Variants in MKLN1 observed in about 807,000 individuals in gnomAD.
MKLN1 encodes muskelin 1, also known as muskelin.
MKLN1 carries 18 observed loss-of-function variants against 99.0 expected under a neutral mutation model. That is an observed-to-expected ratio of 0.18 (90% confidence interval 0.13 to 0.27). The LOEUF is 0.27. Ranked by LOEUF, MKLN1 falls within the 10% of genes least tolerant of loss-of-function variation. The probability of loss-of-function intolerance (pLI) is 1.00; values close to 1 mark genes in which losing one functional copy is unlikely to be tolerated. For missense variants in MKLN1, 621 were observed against 875.9 expected (o/e 0.71, Z 3.67); for synonymous variants, 288 against 293.2 (o/e 0.98, Z 0.18).
chr7:131,245,856 G>A (rs896023815), intron 3 of MKLN1, among the ~76,000 whole-genome samples: 1 of 152,206 alleles, frequency 6.6e-6, no homozygotes, highest in East Asian at 1.9e-4. Context: ...CATGACTATA[G>A]TTTACTCAGC....
In MKLN1 at chr7:131,395,819, C is replaced by T. The variant is rs112967785; in HGVS notation, c.401-1448C>T. On this transcript the variant is annotated intron_variant, in intron 4 of 17. Coordinates refer to ENST00000352689, the MANE Select transcript of MKLN1 (RefSeq NM_013255.5). ...TTATAATTAATTGGAGAGAGCTACA[C>T]ATTTACAATATTGAGTTTTCCTATA... Among the ~76,000 whole-genome samples the T allele has an allele frequency of 3.5e-3, 530 of 151,850 alleles. 4 individuals carry two copies. Among genetic ancestry groups the T allele is most frequent in the African/African-American group, 0.012 (503 of 41,284 alleles).
intron 11 of MKLN1, 32 bp from the exon 12 acceptor site, chr7:131,445,742 A>G: frequency 1.3e-6 from 2 of 1,556,656 alleles, no homozygotes; most frequent in South Asian, 1.2e-5. Flanking sequence ...GTGATAAGTT[A>G]CTCCTTTCTT....
chr7:131,417,901 TTAATTA>T (rs1795069394), intron 8 of MKLN1, among the ~76,000 whole-genome samples: 1 of 152,212 alleles, frequency 6.6e-6, no homozygotes, highest in African/African-American at 2.4e-5. Context: ...AAATTTCTAC[TTAATTA>T]TAAGTTGGAG....
chr7:131,163,058 C>T (rs1056603618), intron 2 of MKLN1, among the ~76,000 whole-genome samples: 5 of 152,136 alleles, frequency 3.3e-5, no homozygotes, highest in South Asian at 2.1e-4. Context: ...AAGCTTAGAG[C>T]GCTTAAGTCA....
intron 3 of MKLN1, among the ~76,000 whole-genome samples, chr7:131,238,151 A>G (rs1797351837): frequency 6.6e-6 from 1 of 152,164 alleles, no homozygotes; most frequent in South Asian, 2.1e-4. Context: ...TGTCTCAAAA[A>G]AAACAAGCAA....
intron 15 of MKLN1, among the ~76,000 whole-genome samples, chr7:131,467,470 T>C (rs1440303259): frequency 6.6e-6 from 1 of 152,168 alleles, no homozygotes; most frequent in Non-Finnish European, 1.5e-5. Flanking sequence ...GACTGCACAG[T>C]GAAGATGGCA....
chr7:131,464,962 C>T (rs1466260358), intron 14 of MKLN1, among the ~76,000 whole-genome samples: 1 of 152,086 alleles, frequency 6.6e-6, no homozygotes, highest in Non-Finnish European at 1.5e-5. Context: ...ACTTAGATTA[C>T]ATAGTAAATT....
chr7:131,448,153 G>A (rs1389045437), intron 12 of MKLN1, among the ~76,000 whole-genome samples: 1 of 152,112 alleles, frequency 6.6e-6, no homozygotes, highest in Non-Finnish European at 1.5e-5. Context: ...GCGTGAACCC[G>A]GGAGGTGGAG....
At chr7:131,290,033 C>T (rs1320880964) in intron 3 of MKLN1, among the ~76,000 whole-genome samples, 2 of 152,110 alleles carry the variant, frequency 1.3e-5, no homozygotes, top group Non-Finnish European at 2.9e-5. Context: ...TGGCCAGGTG[C>T]GGTGGGTTGC....
At chr7:131,348,846 A>G (rs936856508) in intron 1 of MKLN1, among the ~76,000 whole-genome samples, 2 of 152,192 alleles carry the variant, frequency 1.3e-5, no homozygotes, top group African/African-American at 4.8e-5. Flanking sequence ...CTGACCTAGG[A>G]CTGGGACTTG....
chr7:131,398,139 A>G (rs1794414163), intron 5 of MKLN1, among the ~76,000 whole-genome samples: 1 of 152,066 alleles, frequency 6.6e-6, no homozygotes, highest in Non-Finnish European at 1.5e-5. Flanking sequence ...TAAGTAAATC[A>G]TTGTTGTTTG....
intron 8 of MKLN1, among the ~76,000 whole-genome samples, chr7:131,428,694 A>G (rs759394639): frequency 5.3e-5 from 8 of 152,332 alleles, no homozygotes; most frequent in Non-Finnish European, 1.2e-4. Context: ...AGAAACTCCA[A>G]ACCAGCTGCA....
Position 131,240,043 on chromosome 7 carries a change from T to C in MKLN1, c.-179+37069T>C, listed in dbSNP as rs1797378482. Among the ~76,000 whole-genome samples the C allele has an allele frequency of 2.0e-5, 3 of 151,960 alleles. No homozygotes were observed. In the South Asian group the frequency reaches 6.2e-4, roughly 32 times the overall value. ...AAAAAATTTAAAAATTAGCAGGACA[T>C]GATGGTGCGTGCTTTTAGTCCCAGC... On this transcript the variant is annotated intron_variant, in intron 3 of 7. Transcript: ENST00000416992.
intron 3 of MKLN1, among the ~76,000 whole-genome samples, chr7:131,264,995 T>C (rs1327077545): frequency 1.3e-5 from 2 of 151,998 alleles, no homozygotes; most frequent in Non-Finnish European, 2.9e-5. Context: ...CCCACCACCA[T>C]GTCTGGCTAA....
intron 7 of MKLN1, among the ~76,000 whole-genome samples, chr7:131,412,044 A>G (rs1794897633): frequency 6.6e-6 from 1 of 151,822 alleles, no homozygotes; most frequent in Non-Finnish European, 1.5e-5. Flanking sequence ...CCGTGTTCAT[A>G]CCACTGCACT....
intron 2 of MKLN1, among the ~76,000 whole-genome samples, chr7:131,377,588 A>C (rs1456317577): frequency 6.6e-6 from 1 of 152,158 alleles, no homozygotes; most frequent in Non-Finnish European, 1.5e-5. Flanking sequence ...TTCTGAAAAA[A>C]GGAAAATTCA....
intron 17 of MKLN1, among the ~76,000 whole-genome samples, chr7:131,483,515 A>T (rs1206714391): frequency 6.6e-6 from 1 of 152,222 alleles, no homozygotes; most frequent in Non-Finnish European, 1.5e-5. Context: ...AAGATTCCTC[A>T]TTTAATATAT....
chr7:131,238,146 C>CA (rs1272284575), intron 3 of MKLN1, among the ~76,000 whole-genome samples: 8 of 151,256 alleles, frequency 5.3e-5, no homozygotes, highest in Middle Eastern at 3.4e-3. Context: ...GACCCTGTCT[C>CA]AAAAAAAACA....
At chr7:131,483,304 T>A (rs1185311099) in intron 17 of MKLN1, among the ~76,000 whole-genome samples, 1 of 152,188 alleles carries the variant, frequency 6.6e-6, no homozygotes, top group Admixed American at 6.5e-5. Flanking sequence ...TAAACAACTT[T>A]CCTCAATCTC....
Sources: gnomAD v4.1 joint callset for allele counts (sites outside exome capture counted in the v4.1 genomes callset) on GRCh38, gnomAD v4.1.1 for gene constraint, MANE v1.5 for transcripts, NCBI Gene and HGNC (gene_info 2026-07-23, HGNC 2026-07-21) for gene names.